The following VAV3 variants were observed in gnomAD, a reference collection of about 807,000 sequenced individuals.
VAV3 encodes guanine nucleotide exchange factor VAV3.
A neutral mutation model predicts 131.2 loss-of-function variants in VAV3; 94 were observed. That is an observed-to-expected ratio of 0.72 (90% CI 0.61 to 0.85). VAV3 has a LOEUF of 0.85. VAV3 is among the 40% of genes least tolerant of loss of function. The pLI is 0.00. For synonymous variants in VAV3, 349 were observed against 342.0 expected (o/e 1.02, Z -0.22); for missense variants, 939 against 1,002.7 (o/e 0.94, Z 0.86).
chr1:107,711,238 G>T (rs888143058), intron 15 of VAV3, among the ~76,000 whole-genome samples: 2 of 152,160 alleles, frequency 1.3e-5, no homozygotes, highest in African/African-American at 4.8e-5. Context: ...CTGTGTGTAA[G>T]TTTCTAATGC....
At chr1:107,592,480 G>T (rs1651045992) in intron 25 of VAV3, among the ~76,000 whole-genome samples, 1 of 151,968 alleles carries the variant, frequency 6.6e-6, no homozygotes, top group East Asian at 1.9e-4. Context: ...TATAGTGATA[G>T]CCATTTAAAA....
chr1:107,684,931 A>G (rs1194600819), intron 18 of VAV3, among the ~76,000 whole-genome samples: 2 of 152,218 alleles, frequency 1.3e-5, no homozygotes, highest in East Asian at 1.9e-4. Flanking sequence ...AATTGACAGT[A>G]TTTTCAACAG....
intron 2 of VAV3, among the ~76,000 whole-genome samples, chr1:107,802,883 G>GTT (rs200786279): frequency 0.017 from 2,422 of 142,336 alleles, 26 homozygotes; most frequent in Middle Eastern, 0.021. Flanking sequence ...TTCCTCTTCA[G>GTT]TTTTTTTTTT....
intron 1 of VAV3, among the ~76,000 whole-genome samples, chr1:107,939,970 T>C (rs1014318407): frequency 4.6e-5 from 7 of 152,102 alleles, no homozygotes; most frequent in African/African-American, 9.7e-5. Flanking sequence ...GAAGCTTGTA[T>C]GGAACTGTCT....
intron 1 of VAV3, among the ~76,000 whole-genome samples, chr1:107,891,439 T>C (rs1001555951): frequency 2.0e-5 from 3 of 151,998 alleles, no homozygotes; most frequent in Middle Eastern, 3.4e-3. Context: ...ACACGCACGA[T>C]ATACAGGGGA....
chr1:107,859,374 C>T (rs982365840), intron 2 of VAV3, among the ~76,000 whole-genome samples: 1 of 152,076 alleles, frequency 6.6e-6, no homozygotes, highest in African/African-American at 2.4e-5. Context: ...CACCTAGCCC[C>T]TTGAGACATT....
chr1:107,856,520 G>A (rs1258005919), intron 2 of VAV3, among the ~76,000 whole-genome samples: 1 of 151,264 alleles, frequency 6.6e-6, no homozygotes, highest in African/African-American at 2.4e-5. Context: ...TTTTCCCCCA[G>A]GACCGAAATA....
At chr1:107,689,188 G>A (rs1659246916) in intron 17 of VAV3, among the ~76,000 whole-genome samples, 1 of 152,122 alleles carries the variant, frequency 6.6e-6, no homozygotes, top group African/African-American at 2.4e-5. Context: ...ATACCCAGGA[G>A]CACTTATACA....
chr1:107,623,383 TAA>T (rs1442076257), intron 20 of VAV3, among the ~76,000 whole-genome samples: 1 of 152,262 alleles, frequency 6.6e-6, no homozygotes, highest in African/African-American at 2.4e-5. Context: ...ACTTCATTTC[TAA>T]GTTTTCCTTT....
At chr1:107,623,590 T>G (rs909097160) in intron 20 of VAV3, among the ~76,000 whole-genome samples, 1 of 152,200 alleles carries the variant, frequency 6.6e-6, no homozygotes, top group East Asian at 1.9e-4. Flanking sequence ...AGTACACATA[T>G]TCTTTCATTG....
At chr1:107,885,263 A>C (rs372008126) in intron 1 of VAV3, among the ~76,000 whole-genome samples, 1 of 148,990 alleles carries the variant, frequency 6.7e-6, no homozygotes, top group East Asian at 2.0e-4. Context: ...TTTATTTTTT[A>C]TTTTTATTTT....
rs115468375 is a variant in VAV3, at chr1:107,960,984, A to G, written c.204+3682T>C. Among the ~76,000 whole-genome samples the G allele has an allele frequency of 7.3e-3, 1,106 of 151,936 alleles. 21 individuals are homozygous for G. The highest frequency in any genetic ancestry group is 0.025 in the African/African-American group (1,058 of 41,504). ...ATATAAATAAATTATACAGTCATTTATTTATGGTTCAACTCTACTAAAATC... is the reference window on the plus strand; with the variant it reads ...ATATAAATAAATTATACAGTCATTTGTTTATGGTTCAACTCTACTAAAATC... On this transcript the variant is annotated intron_variant, in intron 1 of 26. Transcript: ENST00000370056.
At chr1:107,886,713 T>C (rs1671052758) in intron 1 of VAV3, among the ~76,000 whole-genome samples, 1 of 152,166 alleles carries the variant, frequency 6.6e-6, no homozygotes, top group Non-Finnish European at 1.5e-5. Flanking sequence ...ATTCCACCCA[T>C]GCTGGAAACT....
intron 18 of VAV3, among the ~76,000 whole-genome samples, chr1:107,684,482 T>C (rs908722968): frequency 6.6e-6 from 1 of 152,236 alleles, no homozygotes; most frequent in Non-Finnish European, 1.5e-5. Flanking sequence ...GTTCTTTCTG[T>C]TGTTTTCATT....
At chr1:107,930,148 A>T (rs1308285787) in intron 1 of VAV3, among the ~76,000 whole-genome samples, 1 of 152,140 alleles carries the variant, frequency 6.6e-6, no homozygotes, top group African/African-American at 2.4e-5. Flanking sequence ...GTAGTAAAAA[A>T]TAATTGTACA....
chr1:107,920,195 T>C (rs1406149903), intron 1 of VAV3, among the ~76,000 whole-genome samples: 1 of 152,210 alleles, frequency 6.6e-6, no homozygotes, highest in Non-Finnish European at 1.5e-5. Flanking sequence ...TCTGCTGAAC[T>C]AGACTAACGT....
At chr1:107,664,891 G>A (rs1447335254) in intron 19 of VAV3, among the ~76,000 whole-genome samples, 1 of 152,218 alleles carries the variant, frequency 6.6e-6, no homozygotes, top group Admixed American at 6.5e-5. Context: ...AAGTCATTTT[G>A]TTCAGAAACA....
At chr1:107,774,922 T>TGTTTG (rs569527718) in intron 4 of VAV3, among the ~76,000 whole-genome samples, 48,560 of 151,798 alleles carry the variant, frequency 0.32, 8,324 homozygotes, top group Non-Finnish European at 0.38. Flanking sequence ...GCTTTTTTTT[T>TGTTTG]TTTTTTAAGA....
At chr1:107,787,537 C>T (rs1163417624) in intron 2 of VAV3, among the ~76,000 whole-genome samples, 1 of 152,102 alleles carries the variant, frequency 6.6e-6, no homozygotes, top group Non-Finnish European at 1.5e-5. Context: ...TTGATGGGCA[C>T]CTGGACATTT....
Sources: allele counts gnomAD v4.1 joint callset (sites outside exome capture counted in the v4.1 genomes callset), GRCh38; gene constraint gnomAD v4.1.1; transcripts MANE v1.5; gene names NCBI Gene and HGNC (gene_info 2026-07-23, HGNC 2026-07-21).